Variants in NFIC observed in about 807,000 individuals in gnomAD.
NFIC encodes the protein nuclear factor 1 C-type.
NFIC carries 12 observed loss-of-function variants against 54.4 expected under a neutral mutation model. The observed-to-expected ratio is 0.22, with a 90% CI of 0.14 to 0.36. The LOEUF (loss-of-function observed/expected upper bound fraction) is 0.36, where lower values mean the gene tolerates loss of function less well. Ranked by LOEUF, NFIC falls within the 10% of genes least tolerant of loss-of-function variation. The probability of loss-of-function intolerance (pLI) is 1.00; values close to 1 mark genes in which losing one functional copy is unlikely to be tolerated. For missense variants in NFIC, 575 were observed against 718.2 expected (o/e 0.80, Z 2.28); for synonymous variants, 322 against 319.2 (o/e 1.01, Z -0.09).
chr19:3,420,493 T>G (rs1037511776), intron 2 of NFIC, among the ~76,000 whole-genome samples: 1 of 151,596 alleles, frequency 6.6e-6, no homozygotes, highest in Non-Finnish European at 1.5e-5. Context: ...TGCAATGAGC[T>G]GGATCGTGCC....
rs1322652101 is a variant in NFIC at position 3,452,821 on chromosome 19, T to C, written c.1269+155T>C. On this transcript the variant is annotated intron_variant, in intron 8 of 10. Transcript: ENST00000443272. This position sits in a 1 kb window ranked among gnomAD's most constrained non-coding sequence, Gnocchi z 5.3. ...TCTGTCGTGCTGGGAGGCAGCTGGA[T>C]TGGGTCAGAATTGAGATGCTTTCGG... Among the ~76,000 whole-genome samples, 2 of 152,268 alleles carry C rather than the reference T, an allele frequency of 1.3e-5. No individual in the cohort carries two copies. The highest frequency in any genetic ancestry group is 3.4e-3 in the Middle Eastern group (1 of 294).
upstream of NFIC, chr19:3,359,646 C>T: frequency 2.2e-6 from 3 of 1,360,980 alleles, no homozygotes; most frequent in Non-Finnish European, 1.9e-6. Flanking sequence ...CGAGCGCGCT[C>T]GCTCCGGCGC....
At chr19:3,429,253 T>TATACACACACACAC (rs1214634239) in intron 3 of NFIC, among the ~76,000 whole-genome samples, 7 of 50,798 alleles carry the variant, frequency 1.4e-4, no homozygotes, top group Non-Finnish European at 1.6e-4. Context: ...AAAAAATATA[T>TATACACACACACAC]ACACACACAC....
At chr19:3,421,272 C>T (rs2081949911) in intron 2 of NFIC, among the ~76,000 whole-genome samples, 14 of 149,520 alleles carry the variant, frequency 9.4e-5, no homozygotes, top group Admixed American at 9.2e-4. Context: ...TGCTGAGACG[C>T]CAGCTGGGCA....
intron 2 of NFIC, among the ~76,000 whole-genome samples, chr19:3,412,558 G>A (rs2081781360): frequency 6.6e-6 from 1 of 152,108 alleles, no homozygotes; most frequent in Non-Finnish European, 1.5e-5. Context: ...TGCCCAGCCT[G>A]TTCATACGTT....
intron 2 of NFIC, among the ~76,000 whole-genome samples, chr19:3,389,695 A>C (rs2145498450): frequency 6.6e-6 from 1 of 152,270 alleles, no homozygotes; most frequent in South Asian, 2.1e-4. Context: ...ATAAATGCTC[A>C]CTTCCGGCCG....
rs1000143319 is a variant in NFIC at position 3,370,405 on chromosome 19, G to A, written c.30+3739G>A. Among the ~76,000 whole-genome samples, 2 of 151,746 alleles carry A rather than the reference G, an allele frequency of 1.3e-5. No homozygotes were observed. Among genetic ancestry groups the A allele is most frequent in the Non-Finnish European group, 2.9e-5 (2 of 67,910 alleles). ...TTTCTCCCCCTCCCCTCTCTGCGGCGGAGGTGCCTCTGCGCGCCAGGGCCA... is the reference window on the plus strand; with the variant it reads ...TTTCTCCCCCTCCCCTCTCTGCGGCAGAGGTGCCTCTGCGCGCCAGGGCCA... On this transcript the variant is annotated intron_variant, in intron 1 of 10. Transcript: ENST00000443272. The surrounding 1 kb of genome is among the most constrained non-coding windows in gnomAD (Gnocchi z 5.2).
chr19:3,410,605 G>A (rs961219521), intron 2 of NFIC: 1 of 152,480 alleles, frequency 6.6e-6, no homozygotes, highest in African/African-American at 2.4e-5. Flanking sequence ...ACGGGAAGAA[G>A]GTGGGCTTTT....
rs774198933 is a variant in NFIC at position 3,452,651 on chromosome 19, C to G, written c.1254C>G (p.Ser418Arg). The change falls in exon 8 of 11, where the codon AGC becomes AGG. Residue 418 changes from serine to arginine, a missense_variant. Around this residue, in one of 3 missense-constraint regions of NFIC, gnomAD observed 447 missense variants for 526.9 expected, o/e 0.85. Coordinates refer to ENST00000443272, the MANE Select transcript of NFIC (RefSeq NM_001245002.2). The surrounding 1 kb of genome is among the most constrained non-coding windows in gnomAD (Gnocchi z 5.3). ...TCTCGCTGGCCTGCGACCCAGCCAG[C>G]CAGCAACCTGGACCGGTGAGTTGGG... ...DLVSLACDPA[S>R]QQPGPLNGSG... 5.0e-6 allele frequency: 8 copies of G among 1,608,072 alleles called. No homozygotes were observed. The highest frequency in any genetic ancestry group is 6.8e-6 in the Non-Finnish European group (8 of 1,177,386).
At chr19:3,381,002 TC>T (rs1370304461) in intron 1 of NFIC, among the ~76,000 whole-genome samples, 2 of 152,098 alleles carry the variant, frequency 1.3e-5, no homozygotes, top group Admixed American at 6.6e-5. Context: ...ATCTTTGTTC[TC>T]CCAACCTCAG....
At chr19:3,406,329 A>C (rs1027685117) in intron 2 of NFIC, among the ~76,000 whole-genome samples, 2 of 125,236 alleles carry the variant, frequency 1.6e-5, no homozygotes, top group African/African-American at 3.1e-5. Flanking sequence ...TCTGACCTCA[A>C]GTGATCCGCC....
intron 2 of NFIC, among the ~76,000 whole-genome samples, chr19:3,413,013 C>T (rs1049221305): frequency 5.9e-5 from 9 of 152,304 alleles, no homozygotes; most frequent in Non-Finnish European, 1.0e-4. Flanking sequence ...AAGGGCCCAG[C>T]CTGGGGCTCA....
chr19:3,449,043 A>G lies in NFIC; in HGVS notation c.988A>G (p.Met330Val). 6.2e-7 allele frequency: 1 copy of G among 1,613,326 alleles called. No individual in the cohort carries two copies. Among genetic ancestry groups the G allele is most frequent in the Non-Finnish European group, 8.5e-7 (1 of 1,179,738 alleles). ...CTCGTCCCCGGTGAAGAAGACAGAG[A>G]TGGACAAGTCACCATTCAACAGCCC... ...GISSPVKKTE[M>V]DKSPFNSPSP... is the part of the protein sequence containing the mutation. Residue 330 changes from methionine to valine, a missense_variant, in exon 7 of 11, where the codon ATG becomes GTG. This residue lies in a region of NFIC where 447 missense variants were observed against 526.9 expected (regional missense o/e 0.85). Transcript: ENST00000443272.
chr19:3,394,714 T>G (rs929889737), intron 2 of NFIC, among the ~76,000 whole-genome samples: 2 of 150,632 alleles, frequency 1.3e-5, no homozygotes, highest in African/African-American at 4.9e-5. Flanking sequence ...TCAGCAGGAG[T>G]TGAGCTTAGG....
chr19:3,452,926 G>A lies in NFIC; in HGVS notation c.1269+260G>A, dbSNP rs989730952. Reference sequence around the variant, plus strand: ...GTAGGTCCCAGCAACTGCGTGAGTCGTACTCATGTTAACACAAGGCAGGGA... The same window carrying A: ...GTAGGTCCCAGCAACTGCGTGAGTCATACTCATGTTAACACAAGGCAGGGA... On this transcript the variant is annotated intron_variant, in intron 8 of 10. Coordinates refer to ENST00000443272, the MANE Select transcript of NFIC (RefSeq NM_001245002.2). This position sits in a 1 kb window ranked among gnomAD's most constrained non-coding sequence, Gnocchi z 5.3. 7.2e-5 allele frequency among the ~76,000 whole-genome samples: 11 copies of A among 152,184 alleles called. No homozygotes were observed. Among genetic ancestry groups the A allele is most frequent in the South Asian group, 2.1e-4 (1 of 4,824 alleles).
rs1290481749 is a variant in NFIC at position 3,370,279 on chromosome 19, GC to G, written c.30+3619del. On this transcript the variant is annotated intron_variant, in intron 1 of 10. Transcript: ENST00000443272. This position sits in a 1 kb window ranked among gnomAD's most constrained non-coding sequence, Gnocchi z 5.2. ...GCAGGTGGGCGCTCTCTCCCCGTGTGCCCCCCACCCGGGGCCTGGTGGCCTC... is the reference window on the plus strand; with the variant it reads ...GCAGGTGGGCGCTCTCTCCCCGTGTGCCCCCACCCGGGGCCTGGTGGCCTC... Among the ~76,000 whole-genome samples the G allele has an allele frequency of 2.6e-5, 4 of 151,878 alleles. No homozygotes were observed. Among genetic ancestry groups the G allele is most frequent in the African/African-American group, 9.7e-5 (4 of 41,322 alleles).
Position 3,456,587 on chromosome 19 carries a change from C to G in NFIC, c.1461C>G (p.Ser487=). 6.4e-7 allele frequency: 1 copy of G among 1,552,214 alleles called. No homozygotes were observed. The highest frequency in any genetic ancestry group is 1.2e-5 in the South Asian group (1 of 84,210). The change falls in exon 10 of 11, where the codon TCC becomes TCG. Residue 487 remains serine, a synonymous_variant. Coordinates refer to ENST00000443272, the MANE Select transcript of NFIC (RefSeq NM_001245002.2). ...CCGACACGTCCCCTGCAAACCGTTC[C>G]TTTGTGGGATTAGGACCAAGGGATC... ...SPPDTSPANR[S]FVGLGPRDPA... is the part of the protein sequence containing the mutation.
At chr19:3,434,224 C>G in intron 4 of NFIC, 53 bp from the exon 5 acceptor site, 2 of 1,572,228 alleles carry the variant, frequency 1.3e-6, no homozygotes, top group Non-Finnish European at 1.7e-6. Flanking sequence ...CTAAAGCAAA[C>G]CGCAGCACTG....
intron 1 of NFIC, among the ~76,000 whole-genome samples, chr19:3,372,004 T>TCTCC (rs2081028175): frequency 1.3e-5 from 1 of 75,650 alleles, no homozygotes; most frequent in Non-Finnish European, 2.2e-5. Flanking sequence ...TCTCCCTCTC[T>TCTCC]CTCTCTCTCT....
Sources: gnomAD v4.1 joint callset for allele counts (sites outside exome capture counted in the v4.1 genomes callset) on GRCh38, gnomAD v4.1.1 for gene constraint, gnomAD v4.1.1 regional missense constraint, Gnocchi (gnomAD v3.1) non-coding constraint, MANE v1.5 for transcripts, NCBI Gene and HGNC (gene_info 2026-07-23, HGNC 2026-07-21) for gene names.